Variants in PTGER3 observed in about 807,000 individuals in gnomAD.
PTGER3 encodes prostaglandin E2 receptor EP3 subtype.
Under a neutral mutation model 34.7 loss-of-function variants are expected in PTGER3, and 22 were observed. The observed-to-expected ratio is 0.63, with a 90% CI of 0.45 to 0.91. PTGER3 has a LOEUF of 0.91. Among genes scored for constraint, PTGER3 ranks in the 40% least tolerant of loss-of-function variants. The pLI, the probability that PTGER3 is intolerant of heterozygous loss-of-function variation, is 0.00. For synonymous variants in PTGER3, 241 were observed against 230.1 expected (o/e 1.05, Z -0.43); for missense variants, 468 against 519.4 (o/e 0.90, Z 0.96).
chr1:70,949,694 A>G (rs1160087533), downstream of PTGER3, among the ~76,000 whole-genome samples: 1 of 152,166 alleles, frequency 6.6e-6, no homozygotes, highest in Non-Finnish European at 1.5e-5. Context: ...TTTTCTAGAT[A>G]CTGACGCTGG....
intron 2 of PTGER3, among the ~76,000 whole-genome samples, chr1:70,955,009 C>T (rs745988012): frequency 1.2e-4 from 19 of 152,088 alleles, no homozygotes; most frequent in Non-Finnish European, 2.6e-4. Flanking sequence ...AGATTTTAGT[C>T]TCATCATTTC....
chr1:70,977,484 T>C (rs1653822217), intron 2 of PTGER3, among the ~76,000 whole-genome samples: 1 of 152,022 alleles, frequency 6.6e-6, no homozygotes, highest in African/African-American at 2.4e-5. Context: ...GCTCACTAAT[T>C]TATCCCCATC....
intron 2 of PTGER3, chr1:71,009,039 A>G (rs1449084609): frequency 1.0e-6 from 1 of 984,798 alleles, no homozygotes; most frequent in Non-Finnish European, 1.2e-6. Context: ...CAAAAGAACT[A>G]TTAGTGATTG....
intron 1 of PTGER3, among the ~76,000 whole-genome samples, chr1:71,020,388 C>A (rs1240299977): frequency 6.6e-6 from 1 of 152,108 alleles, no homozygotes; most frequent in Non-Finnish European, 1.5e-5. Flanking sequence ...TCATTTACAA[C>A]TTTAGAAAAG....
chr1:70,984,814 G>A (rs1188805798), intron 2 of PTGER3, among the ~76,000 whole-genome samples: 3 of 151,934 alleles, frequency 2.0e-5, no homozygotes, highest in Non-Finnish European at 4.4e-5. Context: ...AAAAAAATAA[G>A]AAAAAGATGT....
intron 4 of PTGER3, among the ~76,000 whole-genome samples, chr1:70,929,107 C>T (rs1278194068): frequency 2.6e-5 from 4 of 152,284 alleles, no homozygotes; most frequent in Admixed American, 2.0e-4. Flanking sequence ...TATCTTCTGT[C>T]ATAGAAAACA....
intron 4 of PTGER3, among the ~76,000 whole-genome samples, chr1:70,855,588 A>G (rs555113007): frequency 6.6e-6 from 1 of 152,302 alleles, no homozygotes; most frequent in East Asian, 1.9e-4. Context: ...TATATCTAGT[A>G]CTACTTTAAT....
chr1:70,917,979 C>T (rs1291128539), intron 4 of PTGER3, among the ~76,000 whole-genome samples: 2 of 152,022 alleles, frequency 1.3e-5, no homozygotes, highest in African/African-American at 4.8e-5. Context: ...GTTTGCAAGT[C>T]AGGTGTATAG....
chr1:70,970,721 G>T, downstream of PTGER3: 1 of 355,668 alleles, frequency 2.8e-6, no homozygotes, highest in Non-Finnish European at 3.9e-6. Context: ...AAGAAAAGCT[G>T]ATTGAATTTA....
Position 70,971,688 on chromosome 1 carries a change from G to A in PTGER3, c.*42C>T, listed in dbSNP as rs781050260. On this transcript the variant is annotated 3_prime_UTR_variant, in exon 4 of 4. Transcript: ENST00000306666. ...GGTGGGAAGAAATATGCAAATTCAG[G>A]GAAGCAGGAATTGCAATAAAATGTC... The A allele has an allele frequency of 2.8e-5, 43 of 1,548,746 alleles. No individual in the cohort carries two copies. The Admixed American group carries it at 8.2e-4, about 30-fold the overall frequency.
At chr1:70,908,104 G>C (rs548990081) in intron 4 of PTGER3, among the ~76,000 whole-genome samples, 2 of 152,158 alleles carry the variant, frequency 1.3e-5, no homozygotes, top group African/African-American at 4.8e-5. Context: ...TACCCACTTT[G>C]TCTGCTTGTG....
chr1:70,934,959 C>A (rs116719787), intron 4 of PTGER3, among the ~76,000 whole-genome samples: 2,435 of 152,174 alleles, frequency 0.016, 82 homozygotes, highest in African/African-American at 0.056. Flanking sequence ...TCCCTTTTGG[C>A]CCTTCAAGGT....
intron 4 of PTGER3, among the ~76,000 whole-genome samples, chr1:70,945,485 A>T (rs1650141667): frequency 6.6e-6 from 1 of 152,118 alleles, no homozygotes; most frequent in Admixed American, 6.6e-5. Flanking sequence ...CATTCCAAGG[A>T]CTCGGAGTCA....
chr1:70,876,065 A>G (rs1344998506), intron 4 of PTGER3, among the ~76,000 whole-genome samples: 2 of 152,144 alleles, frequency 1.3e-5, no homozygotes, highest in Admixed American at 1.3e-4. Context: ...AGCAGTGTAT[A>G]AACGTTTCCT....
At chr1:70,896,635 T>C (rs1646727035) in intron 4 of PTGER3, among the ~76,000 whole-genome samples, 1 of 152,206 alleles carries the variant, frequency 6.6e-6, no homozygotes, top group Non-Finnish European at 1.5e-5. Context: ...TTCTTATTTT[T>C]GTTTTTATTT....
intron 2 of PTGER3, among the ~76,000 whole-genome samples, chr1:70,953,999 C>T (rs1349407778): frequency 6.6e-6 from 1 of 152,114 alleles, no homozygotes; most frequent in African/African-American, 2.4e-5. Context: ...CATTCATCCC[C>T]TCGGTTCTGC....
chr1:71,003,370 T>G (rs1443106618), intron 2 of PTGER3, among the ~76,000 whole-genome samples: 1 of 152,196 alleles, frequency 6.6e-6, no homozygotes, highest in Non-Finnish European at 1.5e-5. Flanking sequence ...AGCTTGCTTG[T>G]GTATAGGAGA....
At chr1:70,854,745 A>C (rs1463658787) in intron 4 of PTGER3, among the ~76,000 whole-genome samples, 1 of 152,128 alleles carries the variant, frequency 6.6e-6, no homozygotes, top group African/African-American at 2.4e-5. Context: ...TCTTTTCTTC[A>C]ATTACCCAGT....
intron 2 of PTGER3, chr1:71,011,734 T>G: frequency 1.0e-6 from 1 of 979,380 alleles, no homozygotes; most frequent in Non-Finnish European, 1.2e-6. Context: ...TTATACATTT[T>G]TAACTGTAAT....
Sources: allele counts gnomAD v4.1 joint callset (sites outside exome capture counted in the v4.1 genomes callset), GRCh38; gene constraint gnomAD v4.1.1; transcripts MANE v1.5; gene names NCBI Gene and HGNC (gene_info 2026-07-23, HGNC 2026-07-21).